The following CDC42BPA variants were observed in gnomAD, a reference collection of about 807,000 sequenced individuals.
CDC42BPA encodes the protein serine/threonine-protein kinase MRCK alpha.
Under a neutral mutation model 223.5 loss-of-function variants are expected in CDC42BPA, and 80 were observed. The observed-to-expected ratio is 0.36, with a 90% confidence interval of 0.30 to 0.43. CDC42BPA has a LOEUF of 0.43. Among genes scored for constraint, CDC42BPA ranks in the 20% least tolerant of loss-of-function variants. CDC42BPA has a pLI of 1.00. For synonymous variants in CDC42BPA, 694 were observed against 718.6 expected (o/e 0.97, Z 0.55); for missense variants, 1,743 against 2,099.9 (o/e 0.83, Z 3.32).
intron 1 of CDC42BPA, among the ~76,000 whole-genome samples, chr1:227,293,270 AAC>A (rs1451771429): frequency 6.6e-6 from 1 of 152,188 alleles, no homozygotes; most frequent in Non-Finnish European, 1.5e-5. Context: ...TATAATTAAA[AAC>A]AGTGATAAAT....
intron 5 of CDC42BPA, among the ~76,000 whole-genome samples, chr1:227,189,610 G>A (rs1475708641): frequency 6.6e-6 from 1 of 152,102 alleles, no homozygotes; most frequent in Non-Finnish European, 1.5e-5. Flanking sequence ...CTGATTCCTA[G>A]TCCAGTGCTT....
chr1:227,297,392 T>TA (rs1156773898), intron 1 of CDC42BPA, among the ~76,000 whole-genome samples: 1 of 151,948 alleles, frequency 6.6e-6, no homozygotes, highest in African/African-American at 2.4e-5. Context: ...CTCAAAAAGT[T>TA]AAACATAGAA....
chr1:227,169,961 C>T (rs1456248113), intron 5 of CDC42BPA, among the ~76,000 whole-genome samples: 1 of 152,146 alleles, frequency 6.6e-6, no homozygotes, highest in Non-Finnish European at 1.5e-5. Flanking sequence ...GCACCCTGAA[C>T]TTTTAAGTTT....
At chr1:227,303,917 T>C (rs1004255214) in intron 1 of CDC42BPA, among the ~76,000 whole-genome samples, 1 of 152,250 alleles carries the variant, frequency 6.6e-6, no homozygotes, top group Admixed American at 6.5e-5. Context: ...AAGTTTATGA[T>C]GGACATTGTG....
intron 21 of CDC42BPA, among the ~76,000 whole-genome samples, chr1:227,058,059 T>C (rs1247674045): frequency 2.6e-5 from 4 of 152,218 alleles, no homozygotes; most frequent in East Asian, 1.9e-4. Context: ...TTATGTAATG[T>C]AATCAACATA....
chr1:227,180,091 A>C (rs1283869823), intron 5 of CDC42BPA, among the ~76,000 whole-genome samples: 1 of 152,118 alleles, frequency 6.6e-6, no homozygotes, highest in African/African-American at 2.4e-5. Flanking sequence ...CTGTAATCCA[A>C]GCTACTCAGG....
chr1:227,083,533 T>A (rs1284430313), intron 16 of CDC42BPA, among the ~76,000 whole-genome samples: 1 of 150,238 alleles, frequency 6.7e-6, no homozygotes, highest in Non-Finnish European at 1.5e-5. Context: ...GCCTGGTTTT[T>A]ATTTTCCCTT....
intron 5 of CDC42BPA, among the ~76,000 whole-genome samples, chr1:227,181,307 T>C (rs903115585): frequency 1.3e-5 from 2 of 152,200 alleles, no homozygotes; most frequent in African/African-American, 2.4e-5. Context: ...AAGATGGACA[T>C]ATTTTCATAA....
intron 1 of CDC42BPA, chr1:227,264,886 T>C: frequency 6.7e-7 from 1 of 1,498,724 alleles, no homozygotes; most frequent in Non-Finnish European, 9.3e-7. Context: ...AATTTTTCAA[T>C]TCCTCTTCTG....
At chr1:227,156,307 C>T (rs943235664) in intron 6 of CDC42BPA, among the ~76,000 whole-genome samples, 85 of 151,746 alleles carry the variant, frequency 5.6e-4, no homozygotes, top group Non-Finnish European at 2.6e-4. Context: ...TGCATGCCAC[C>T]ATGCCTAACT....
intron 1 of CDC42BPA, among the ~76,000 whole-genome samples, chr1:227,256,938 T>TACACACACACACACACACACACACAC (rs1442280387): frequency 8.3e-6 from 1 of 119,976 alleles, no homozygotes; most frequent in Admixed American, 9.3e-5. Context: ...AAATGTGATA[T>TACACACACACACACACACACACACAC]ATATATACAG....
intron 10 of CDC42BPA, 26 bp downstream of exon 10, chr1:227,139,550 T>C (rs1343341778): frequency 7.0e-7 from 1 of 1,431,820 alleles, no homozygotes; most frequent in Non-Finnish European, 9.4e-7. Flanking sequence ...ATTCAAAAAG[T>C]GAAAATATAT....
intron 26 of CDC42BPA, 62 bp from the exon 27 acceptor site, chr1:227,033,477 G>T: frequency 9.0e-7 from 1 of 1,112,818 alleles, no homozygotes; most frequent in Non-Finnish European, 1.4e-6. Flanking sequence ...GGTTTGGGGT[G>T]TGTATCCAAA....
intron 1 of CDC42BPA, among the ~76,000 whole-genome samples, chr1:227,271,572 T>C (rs945473837): frequency 1.3e-5 from 2 of 152,182 alleles, no homozygotes; most frequent in African/African-American, 4.8e-5. Context: ...ATATATTCTT[T>C]ATTGGAAATT....
intron 1 of CDC42BPA, among the ~76,000 whole-genome samples, chr1:227,269,886 T>C (rs1685679961): frequency 6.6e-6 from 1 of 152,308 alleles, no homozygotes; most frequent in Admixed American, 6.5e-5. Flanking sequence ...TAAACTGGTA[T>C]CCTTTGAAGT....
intron 1 of CDC42BPA, among the ~76,000 whole-genome samples, chr1:227,260,914 C>T (rs1173808266): frequency 6.6e-6 from 1 of 150,834 alleles, no homozygotes; most frequent in East Asian, 1.9e-4. Flanking sequence ...CATGTTAAAA[C>T]TGTTATCAAT....
chr1:227,228,652 T>G (rs1677281691), intron 2 of CDC42BPA, among the ~76,000 whole-genome samples: 2 of 147,840 alleles, frequency 1.4e-5, no homozygotes, highest in Non-Finnish European at 3.0e-5. Flanking sequence ...CTACCAGCAA[T>G]GCATAAGCTT....
chr1:227,174,015 T>C (rs576552345), intron 5 of CDC42BPA, among the ~76,000 whole-genome samples: 46 of 152,238 alleles, frequency 3.0e-4, no homozygotes, highest in African/African-American at 1.1e-3. Context: ...ATAGTAACTA[T>C]ATTTATATTT....
intron 9 of CDC42BPA, among the ~76,000 whole-genome samples, chr1:227,142,189 TATAAC>T (rs1259153011): frequency 2.6e-5 from 4 of 152,178 alleles, no homozygotes; most frequent in African/African-American, 4.8e-5. Flanking sequence ...GCAAAACAAA[TATAAC>T]AGAATGAGAG....
Sources: allele counts gnomAD v4.1 joint callset (sites outside exome capture counted in the v4.1 genomes callset), GRCh38; gene constraint gnomAD v4.1.1; transcripts MANE v1.5; gene names NCBI Gene and HGNC (gene_info 2026-07-23, HGNC 2026-07-21).